Variants in OR56A3 observed in about 807,000 individuals in gnomAD.
OR56A3 encodes the protein olfactory receptor family 56 subfamily A member 3, also known as olfactory receptor 56A3.
OR56A3 carries 23 observed loss-of-function variants against 17.5 expected under a neutral mutation model. The ratio of observed to expected loss-of-function variants is 1.32; its 90% CI spans 0.95 to 1.87. The LOEUF (loss-of-function observed/expected upper bound fraction) is 1.87. OR56A3 is among the 40% of genes most tolerant of loss of function. OR56A3 has a pLI of 0.00. For synonymous variants in OR56A3, 175 were observed against 150.6 expected, an observed-to-expected ratio of 1.16 and a Z score of -1.19; for missense variants, 366 against 380.1, an observed-to-expected ratio of 0.96 and a Z score of 0.31.
chr11:5,968,307 T>C, the OR56A3 span: 2 of 1,612,440 alleles, frequency 1.2e-6, no homozygotes, highest in African/African-American at 1.3e-5. Flanking sequence ...GAGCAGGTAG[T>C]ACAGGGGCTG....
chr11:5,952,815 C>T (rs555643294), downstream of OR56A3, among the ~76,000 whole-genome samples: 4 of 152,256 alleles, frequency 2.6e-5, no homozygotes, highest in African/African-American at 9.6e-5. Flanking sequence ...TCTCTTCCAC[C>T]TCTAGTAGTC....
At chr11:5,967,869 A>G in the OR56A3 span, 1 of 1,574,590 alleles carries the variant, frequency 6.4e-7, no homozygotes. Context: ...AGAGCCCAGC[A>G]GGGTCCAACC....
the OR56A3 span, chr11:5,999,856 A>T: frequency 3.3e-5 from 5 of 152,278 alleles, no homozygotes; most frequent in Admixed American, 2.6e-4. Context: ...AGAGAAAGAA[A>T]TACAGCCACA....
chr11:5,994,338 T>C, the OR56A3 span: 1 of 681,476 alleles, frequency 1.5e-6, no homozygotes, highest in Non-Finnish European at 2.7e-6. Context: ...TGTGGTGCTC[T>C]CCTCAATCTG....
At chr11:5,973,560 G>T in the OR56A3 span, among the ~76,000 whole-genome samples, 1 of 152,008 alleles carries the variant, frequency 6.6e-6, no homozygotes. Context: ...AGTCATTGTT[G>T]AATGTCTCTT....
the OR56A3 span, among the ~76,000 whole-genome samples, chr11:5,988,872 G>A: frequency 1.3e-5 from 2 of 152,328 alleles, no homozygotes; most frequent in South Asian, 2.1e-4. Flanking sequence ...TAAAGGACAG[G>A]CGTAGTCTGA....
the OR56A3 span, chr11:6,003,101 G>C: frequency 1.9e-6 from 3 of 1,605,702 alleles, no homozygotes; most frequent in Non-Finnish European, 2.6e-6. Flanking sequence ...GGTTTCCACT[G>C]AGGCCCTGTA....
the OR56A3 span, among the ~76,000 whole-genome samples, chr11:6,006,071 G>C: frequency 6.6e-6 from 1 of 152,142 alleles, no homozygotes; most frequent in African/African-American, 2.4e-5. Context: ...TGAGGGGTGA[G>C]GAGGGCTACA....
At chr11:5,986,741 G>A in the OR56A3 span, 16 of 1,613,860 alleles carry the variant, frequency 9.9e-6, no homozygotes, top group Non-Finnish European at 1.2e-5. Flanking sequence ...ATGATGAAGA[G>A]AATGGTAACA....
At chr11:5,991,981 G>A in the OR56A3 span, among the ~76,000 whole-genome samples, 1 of 152,164 alleles carries the variant, frequency 6.6e-6, no homozygotes, top group African/African-American at 2.4e-5. Context: ...GGCCAAGCAG[G>A]GAGTGGCTCC....
the OR56A3 span, among the ~76,000 whole-genome samples, chr11:5,958,335 G>T: frequency 6.6e-6 from 1 of 152,242 alleles, no homozygotes; most frequent in East Asian, 1.9e-4. Context: ...AATAGGAAAG[G>T]ATTTTATAAA....
chr11:5,988,741 T>A, the OR56A3 span, among the ~76,000 whole-genome samples: 1 of 152,202 alleles, frequency 6.6e-6, no homozygotes, highest in African/African-American at 2.4e-5. Context: ...AACAAACAAT[T>A]CAGTGTCTTT....
the OR56A3 span, among the ~76,000 whole-genome samples, chr11:6,014,989 CAAAAAAAAAAAAAA>C: frequency 2.8e-5 from 1 of 35,192 alleles, no homozygotes; most frequent in East Asian, 1.4e-3. Context: ...TATTCATGGG[CAAAAAAAAAAAAAA>C]AAAAAAAAAA....
At chr11:6,015,572 G>A in the OR56A3 span, among the ~76,000 whole-genome samples, 1 of 152,220 alleles carries the variant, frequency 6.6e-6, no homozygotes, top group South Asian at 2.1e-4. Context: ...GAGAACAGTG[G>A]GGGCTGAGCC....
At chr11:5,986,412 G>A in the OR56A3 span, 4 of 1,613,556 alleles carry the variant, frequency 2.5e-6, no homozygotes, top group Admixed American at 1.7e-5. Flanking sequence ...AGGGGATAAG[G>A]AGTAGTAATC....
At chr11:6,001,604 G>T in the OR56A3 span, 4 of 156,722 alleles carry the variant, frequency 2.6e-5, no homozygotes, top group Admixed American at 6.3e-5. Flanking sequence ...CTTAACCCAA[G>T]CCATGCCTTC....
chr11:5,986,635 G>T, the OR56A3 span: 2 of 1,613,800 alleles, frequency 1.2e-6, no homozygotes, highest in Non-Finnish European at 1.7e-6. Flanking sequence ...CACTGCAAGG[G>T]CTTTGGGTGC....
At chr11:5,983,636 C>A in the OR56A3 span, among the ~76,000 whole-genome samples, 1 of 152,296 alleles carries the variant, frequency 6.6e-6, no homozygotes, top group Admixed American at 6.5e-5. Flanking sequence ...GAGGAAGGCT[C>A]TTCTTCCTCT....
the OR56A3 span, among the ~76,000 whole-genome samples, chr11:5,978,265 A>T: frequency 1.5e-3 from 224 of 152,240 alleles, no homozygotes; most frequent in African/African-American, 5.3e-3. Flanking sequence ...GCTTGATAAG[A>T]ATAGTATTGA....
Sources: gnomAD v4.1 joint callset for allele counts (sites outside exome capture counted in the v4.1 genomes callset) on GRCh38, gnomAD v4.1.1 for gene constraint, MANE v1.5 for transcripts, NCBI Gene and HGNC (gene_info 2026-07-23, HGNC 2026-07-21) for gene names.